Variants in GRIA3 observed in about 807,000 individuals in gnomAD.
GRIA3 encodes glutamate ionotropic receptor AMPA type subunit 3, also known as glutamate receptor 3.
In GRIA3, 3 loss-of-function variants were observed where a neutral mutation model predicts 63.0. The ratio of observed to expected loss-of-function variants is 0.05; its 90% CI spans 0.02 to 0.12. The LOEUF (loss-of-function observed/expected upper bound fraction) is 0.12. Among genes scored for constraint, GRIA3 ranks in the 10% least tolerant of loss-of-function variants. GRIA3 has a pLI of 1.00. For synonymous variants in GRIA3, 274 were observed against 257.9 expected (o/e 1.06, Z -0.60); for missense variants, 347 against 700.9 (o/e 0.50, Z 5.70).
chrX:123,479,941 T>C, intron 13 of GRIA3, 122 bp from the exon 14 acceptor site: 1 of 526,317 alleles, frequency 1.9e-6, no homozygotes. Context: ...CTGCAGTGTC[T>C]AAAATTACTC....
intron 2 of GRIA3, among the ~76,000 whole-genome samples, chrX:123,210,275 C>CT (rs1928010098): frequency 1.9e-5 from 2 of 107,551 alleles, no homozygotes; most frequent in African/African-American, 6.8e-5. Context: ...CTGTTCCTAA[C>CT]TCCTACACTC....
chrX:123,427,954 C>T lies in GRIA3; in HGVS notation c.1891C>T (p.Arg631Cys). Residue 631 changes from arginine (R) to cysteine (C), a missense_variant, in exon 12 of 16, where the codon CGC becomes TGC. Physicochemically the swap from Arg to Cys is radical, Grantham distance 180 (BLOSUM62 -3). Around this residue, in one of 8 missense-constraint regions of GRIA3, gnomAD observed 49 missense variants for 176.6 expected, o/e 0.28. Transcript: ENST00000620443. ...TTTGTTTTATAGATCACTCTCCGGG[C>T]GCATTGTTGGAGGGGTTTGGTGGTT... The part of the protein sequence containing the change: ...CDISPRSLSG[R>C]IVGGVWWFFT... 1 of 1,197,665 alleles carries T rather than the reference C, an allele frequency of 8.3e-7. No homozygotes were observed. Among genetic ancestry groups the T allele is most frequent in the East Asian group, 3.0e-5 (1 of 33,766 alleles).
intron 12 of GRIA3, among the ~76,000 whole-genome samples, chrX:123,445,957 A>C (rs1489189877): frequency 8.9e-6 from 1 of 112,319 alleles, no homozygotes; most frequent in Non-Finnish European, 1.9e-5. Flanking sequence ...AAGACATACT[A>C]TTTTCTAGGC....
At chrX:123,426,488 T>C (rs1233064948) in intron 11 of GRIA3, among the ~76,000 whole-genome samples, 1 of 112,116 alleles carries the variant, frequency 8.9e-6, no homozygotes, top group Non-Finnish European at 1.9e-5. Flanking sequence ...TTAATTGGTC[T>C]TGAAGCCTAG....
At chrX:123,396,105 C>T (rs2045411219) in intron 6 of GRIA3, among the ~76,000 whole-genome samples, 1 of 107,755 alleles carries the variant, frequency 9.3e-6, no homozygotes, top group Non-Finnish European at 1.9e-5. Flanking sequence ...ACTTGGGTGG[C>T]GGAGGCAGGA....
At chrX:123,313,594 C>T (rs543763207) in intron 3 of GRIA3, among the ~76,000 whole-genome samples, 1 of 111,411 alleles carries the variant, frequency 9.0e-6, no homozygotes, top group Non-Finnish European at 1.9e-5. Flanking sequence ...ATACCTCACA[C>T]CCAGAACTCA....
chrX:123,277,669 C>A (rs982458713), intron 3 of GRIA3, among the ~76,000 whole-genome samples: 1 of 111,977 alleles, frequency 8.9e-6, no homozygotes, highest in Non-Finnish European at 1.9e-5. Flanking sequence ...AGGGTTCCAA[C>A]ACTTACAGAG....
intron 3 of GRIA3, among the ~76,000 whole-genome samples, chrX:123,312,371 T>C (rs937716425): frequency 1.4e-4 from 16 of 112,062 alleles, no homozygotes; most frequent in African/African-American, 4.9e-4. Context: ...ATCTGTTCAG[T>C]GATACGTATT....
chrX:123,196,190 T>C (rs376474574), intron 2 of GRIA3, among the ~76,000 whole-genome samples: 1 of 111,575 alleles, frequency 9.0e-6, no homozygotes, highest in Admixed American at 9.5e-5. Context: ...GAACTTCCCA[T>C]ATACTCTGAG....
intron 12 of GRIA3, among the ~76,000 whole-genome samples, chrX:123,438,828 T>C (rs183619148): frequency 8.9e-6 from 1 of 112,942 alleles, no homozygotes; most frequent in Non-Finnish European, 1.9e-5. Context: ...TAAAAGTCTA[T>C]TTTGAAATAA....
At chrX:123,446,797 G>A (rs891614470) in intron 12 of GRIA3, among the ~76,000 whole-genome samples, 6 of 111,509 alleles carry the variant, frequency 5.4e-5, no homozygotes, top group Non-Finnish European at 7.5e-5. Context: ...GGCAGTCAAA[G>A]GTCTGCCATT....
chrX:123,484,057 T>A (rs532744098), intron 15 of GRIA3, among the ~76,000 whole-genome samples: 4 of 111,976 alleles, frequency 3.6e-5, no homozygotes, highest in African/African-American at 1.3e-4. Context: ...AAGCTTTGAG[T>A]TCTTTTGTTG....
At chrX:123,417,819 T>C (rs2045544307) in intron 11 of GRIA3, 41 bp downstream of exon 11, 2 of 1,099,400 alleles carry the variant, frequency 1.8e-6, no homozygotes, top group African/African-American at 1.8e-5. Context: ...TTGCATTTTA[T>C]GGTCATACTC....
At chrX:123,218,014 TAAGAAAACTGTAGAGG>T (rs1485752963) in intron 2 of GRIA3, among the ~76,000 whole-genome samples, 2 of 112,754 alleles carry the variant, frequency 1.8e-5, no homozygotes, top group African/African-American at 6.5e-5. Flanking sequence ...AAACAGGAGT[TAAGAAAACTGTAGAGG>T]AAGAAAACTT....
At position 123,454,627 on chromosome X, in the gene GRIA3, C is replaced by T. The variant is rs144235822; in HGVS notation, c.2077-10238C>T. On this transcript the variant is annotated intron_variant, in intron 12 of 15. Transcript: ENST00000620443. ...CTACCCACTAGATACCAGTAGCACT[C>T]CTCTCCCCAAGTTGTGACAATGAAA... Among the ~76,000 whole-genome samples, 342 of 111,141 alleles carry T rather than the reference C, an allele frequency of 3.1e-3. 3 individuals carry two copies. Among genetic ancestry groups the T allele is most frequent in the African/African-American group, 0.011 (329 of 30,596 alleles).
chrX:123,285,930 T>C (rs945983149), intron 3 of GRIA3, among the ~76,000 whole-genome samples: 5 of 111,717 alleles, frequency 4.5e-5, no homozygotes, highest in African/African-American at 1.6e-4. Context: ...AATAGAAATC[T>C]ACAGAACTCT....
chrX:123,417,665 A>G lies in GRIA3; in HGVS notation c.1764A>G (p.Glu588=). 8.4e-7 allele frequency: 1 copy of G among 1,183,668 alleles called. No individual in the cohort carries two copies. Reference sequence around the variant, plus strand: ...AATGGCACTTGGAAGACAACAATGAAGAACCTCGTGACCCACAAAGTCCTC... The same window carrying G: ...AATGGCACTTGGAAGACAACAATGAGGAACCTCGTGACCCACAAAGTCCTC... ...PYEWHLEDNN[E]EPRDPQSPPD... Residue 588 remains glutamate, a synonymous_variant, in exon 11 of 16, where the codon GAA becomes GAG. Transcript: ENST00000620443.
intron 5 of GRIA3, among the ~76,000 whole-genome samples, chrX:123,375,039 T>C (rs1322933469): frequency 8.9e-6 from 1 of 111,796 alleles, no homozygotes; most frequent in Non-Finnish European, 1.9e-5. Context: ...TTTCCATTTT[T>C]TTTCCCTCCA....
chrX:123,417,057 A>G (rs1229766742), intron 10 of GRIA3, among the ~76,000 whole-genome samples: 1 of 112,241 alleles, frequency 8.9e-6, no homozygotes, highest in African/African-American at 3.2e-5. Flanking sequence ...GAAAATTAAA[A>G]TAAGAAAACG....
Sources: gnomAD v4.1 joint callset for allele counts (sites outside exome capture counted in the v4.1 genomes callset) on GRCh38, gnomAD v4.1.1 for gene constraint, gnomAD v4.1.1 regional missense constraint, MANE v1.5 for transcripts, NCBI Gene and HGNC (gene_info 2026-07-23, HGNC 2026-07-21) for gene names.